Variants in CREBL2 observed in about 807,000 individuals in gnomAD.
CREBL2 encodes cAMP responsive element binding protein like 2, also known as cAMP-responsive element-binding protein-like 2.
In CREBL2, 4 loss-of-function variants were observed where a neutral mutation model predicts 19.5. That is an observed-to-expected ratio of 0.20 (90% CI 0.10 to 0.47). The LOEUF is 0.47. Among genes scored for constraint, CREBL2 ranks in the 20% least tolerant of loss-of-function variants. CREBL2 has a pLI of 0.98. For synonymous variants in CREBL2, 42 were observed against 46.6 expected, an observed-to-expected ratio of 0.90 and a Z score of 0.40; for missense variants, 85 against 145.1, an observed-to-expected ratio of 0.59 and a Z score of 2.13.
chr12:12,635,716 A>G (rs1945469949), intron 1 of CREBL2, 61 bp from the exon 2 acceptor site: 12 of 1,528,272 alleles, frequency 7.9e-6, no homozygotes, highest in Non-Finnish European at 9.7e-6. Flanking sequence ...ATATGCAGCC[A>G]TATTCACTTT....
chr12:12,617,643 C>CCTTTTTTTTT (rs1945320916), intron 1 of CREBL2, among the ~76,000 whole-genome samples: 1 of 38,716 alleles, frequency 2.6e-5, no homozygotes, highest in Non-Finnish European at 5.4e-5. Flanking sequence ...TTTAGTAATT[C>CCTTTTTTTTT]TTTTTTTTTT....
intron 3 of CREBL2, among the ~76,000 whole-genome samples, chr12:12,638,379 G>A (rs1945491990): frequency 6.6e-6 from 1 of 152,180 alleles, no homozygotes; most frequent in African/African-American, 2.4e-5. Context: ...GGAGGTTGCA[G>A]TGAGCTAAGA....
chr12:12,625,560 C>G (rs1012370199), intron 1 of CREBL2, among the ~76,000 whole-genome samples: 1 of 152,102 alleles, frequency 6.6e-6, no homozygotes, highest in Non-Finnish European at 1.5e-5. Flanking sequence ...ATTAATGTGT[C>G]CTGTCTGAGA....
chr12:12,634,541 C>T (rs952475806), intron 1 of CREBL2, among the ~76,000 whole-genome samples: 33 of 152,208 alleles, frequency 2.2e-4, no homozygotes, highest in African/African-American at 8.0e-4. Context: ...CGATTTTATA[C>T]ACATATTTTA....
chr12:12,618,759 G>A (rs886250546), intron 1 of CREBL2, among the ~76,000 whole-genome samples: 6 of 152,204 alleles, frequency 3.9e-5, no homozygotes, highest in East Asian at 1.9e-4. Flanking sequence ...CTGAGTGAGC[G>A]AGACTCCACC....
chr12:12,641,263 A>ATTAT lies in CREBL2; in HGVS notation c.359-729_359-728insATTT, dbSNP rs1566117110. 2.3e-3 allele frequency among the ~76,000 whole-genome samples: 200 copies of ATTAT among 85,900 alleles called. 3 individuals carry two copies. The highest frequency in any genetic ancestry group is 8.0e-3 in the African/African-American group (191 of 23,764). The allele number at this position is 85,900 out of a possible 152,430, so 56.4% of individuals were successfully genotyped here. On this transcript the variant is annotated intron_variant, in intron 3 of 3. Coordinates refer to ENST00000228865, the MANE Select transcript of CREBL2 (RefSeq NM_001310.4). ...ATTATTATTATTATTATTTTTTTTT[A>ATTAT]TTTTTTTTTTTTTTAGGTCAACCTC...
intron 3 of CREBL2, among the ~76,000 whole-genome samples, chr12:12,638,758 G>A (rs1053861891): frequency 1.3e-5 from 2 of 152,286 alleles, no homozygotes; most frequent in East Asian, 1.9e-4. Context: ...AGCTTTAATG[G>A]TAGAACCTGT....
At chr12:12,617,439 T>C (rs905851567) in intron 1 of CREBL2, among the ~76,000 whole-genome samples, 2 of 152,126 alleles carry the variant, frequency 1.3e-5, no homozygotes, top group African/African-American at 4.8e-5. Context: ...TTTAACTTTT[T>C]TGAGCTTCCA....
At chr12:12,625,483 A>G (rs1945395109) in intron 1 of CREBL2, among the ~76,000 whole-genome samples, 1 of 152,248 alleles carries the variant, frequency 6.6e-6, no homozygotes, top group South Asian at 2.1e-4. Flanking sequence ...ACTGTATAGC[A>G]TAAATACAGC....
Position 12,635,905 on chromosome 12 carries a change from T to C in CREBL2, c.144T>C (p.Tyr48=), listed in dbSNP as rs772104564. 9.3e-6 allele frequency: 15 copies of C among 1,614,038 alleles called. No individual in the cohort carries two copies. Among genetic ancestry groups the C allele is most frequent in the Middle Eastern group, 1.7e-4 (1 of 6,060 alleles). Residue 48 remains tyrosine (Y), a synonymous_variant, in exon 2 of 4, where the codon TAT becomes TAC. Transcript: ENST00000228865. ...RECRARKKLR[Y]QYLEELVSSR... ...GCCGAGCCCGAAAAAAGCTGAGATA[T>C]CAGTATTTGGAAGAGTTGGTATCCA...
chr12:12,623,463 G>A (rs1192008770), intron 1 of CREBL2, among the ~76,000 whole-genome samples: 1 of 152,188 alleles, frequency 6.6e-6, no homozygotes, highest in African/African-American at 2.4e-5. Flanking sequence ...CAGAGAAAGA[G>A]GGCTAGAGCT....
At chr12:12,628,340 G>A (rs1466477690) in intron 1 of CREBL2, among the ~76,000 whole-genome samples, 7 of 152,150 alleles carry the variant, frequency 4.6e-5, no homozygotes, top group African/African-American at 1.4e-4. Flanking sequence ...CCAAATCCTT[G>A]CCCCTTTTTA....
In CREBL2 at chr12:12,644,273, T is replaced by G. The variant is rs937792419; in HGVS notation, c.*2275T>G. The G allele has an allele frequency of 4.6e-5, 7 of 152,210 alleles. No individual in the cohort carries two copies. The highest frequency in any genetic ancestry group is 1.4e-4 in the African/African-American group (6 of 41,454). 9.4% of individuals were successfully genotyped at this position (152,210 alleles called of 1,614,324 possible). ...CTCGGCTATTGTGCTGGCTGGACAC[T>G]TTGGTCACTTTTGAAGCATGTTAAT... On this transcript the variant is annotated 3_prime_UTR_variant, in exon 4 of 4. Transcript: ENST00000228865.
At position 12,629,265 on chromosome 12, in the gene CREBL2, A is replaced by G. The variant is rs576783792; in HGVS notation, c.16-6512A>G. ...GCCCACTAACATGGGCTGCCTTTCCATTTATCAGATCTTCTTTAATTTCTT... is the reference window on the plus strand; with the variant it reads ...GCCCACTAACATGGGCTGCCTTTCCGTTTATCAGATCTTCTTTAATTTCTT... On this transcript the variant is annotated intron_variant, in intron 1 of 3. Coordinates refer to ENST00000228865, the MANE Select transcript of CREBL2 (RefSeq NM_001310.4). 1.4e-3 allele frequency among the ~76,000 whole-genome samples: 219 copies of G among 152,136 alleles called. 1 individual carries two copies. The highest frequency in any genetic ancestry group is 4.8e-3 in the African/African-American group (200 of 41,502).
chr12:12,635,345 A>G (rs1945466648), intron 1 of CREBL2, among the ~76,000 whole-genome samples: 1 of 150,490 alleles, frequency 6.6e-6, no homozygotes. Context: ...CTCTAGCCTG[A>G]GTGACAGAGT....
At chr12:12,621,036 T>C (rs906464351) in intron 1 of CREBL2, among the ~76,000 whole-genome samples, 1 of 152,192 alleles carries the variant, frequency 6.6e-6, no homozygotes, top group Non-Finnish European at 1.5e-5. Flanking sequence ...GAATATCCTG[T>C]TGTAAAGCAT....
chr12:12,626,009 T>C (rs1234334931), intron 1 of CREBL2, among the ~76,000 whole-genome samples: 1 of 152,178 alleles, frequency 6.6e-6, no homozygotes, highest in Admixed American at 6.5e-5. Context: ...TAACATGAGA[T>C]AGCGTGTAGA....
At chr12:12,634,220 G>GTAAA (rs1410184363) in intron 1 of CREBL2, among the ~76,000 whole-genome samples, 3 of 152,202 alleles carry the variant, frequency 2.0e-5, no homozygotes, top group African/African-American at 7.2e-5. Context: ...TACTTGATGT[G>GTAAA]TAAGTTCAGG....
chr12:12,612,257 G>T, intron 1 of CREBL2, 70 bp downstream of exon 1: 1 of 1,611,496 alleles, frequency 6.2e-7, no homozygotes. Flanking sequence ...CTGAACCTCC[G>T]CTATGTAGTC....
Sources: gnomAD v4.1 joint callset for allele counts (sites outside exome capture counted in the v4.1 genomes callset) on GRCh38, gnomAD v4.1.1 for gene constraint, MANE v1.5 for transcripts, NCBI Gene and HGNC (gene_info 2026-07-23, HGNC 2026-07-21) for gene names.